Variants in SKA3 observed in about 807,000 individuals in gnomAD.
SKA3 encodes spindle and kinetochore-associated protein 3.
Under a neutral mutation model 44.2 loss-of-function variants are expected in SKA3, and 39 were observed. The observed-to-expected ratio is 0.88, with a 90% CI of 0.68 to 1.15. The LOEUF (loss-of-function observed/expected upper bound fraction) is 1.15, where lower values mean the gene tolerates loss of function less well. Among genes scored for constraint, SKA3 ranks in the 50% most tolerant of loss-of-function variants. The probability of loss-of-function intolerance (pLI) is 0.00; values close to 1 mark genes in which losing one functional copy is unlikely to be tolerated. For synonymous variants in SKA3, 192 were observed against 172.0 expected (o/e 1.12, Z -0.91); for missense variants, 511 against 485.8 (o/e 1.05, Z -0.49).
intron 6 of SKA3, 81 bp downstream of exon 6, chr13:21,159,821 C>A: frequency 1.1e-6 from 1 of 888,090 alleles, no homozygotes; most frequent in Non-Finnish European, 1.6e-6. Flanking sequence ...GTCTTCTAAA[C>A]AGACTCTTTG....
chr13:21,162,966 C>T (rs539554786), intron 4 of SKA3, among the ~76,000 whole-genome samples: 9 of 152,248 alleles, frequency 5.9e-5, no homozygotes, highest in Admixed American at 3.9e-4. Flanking sequence ...AAGAACCACT[C>T]GAACCCAGTT....
chr13:21,165,772 T>C (rs1870678425), intron 4 of SKA3, among the ~76,000 whole-genome samples: 1 of 151,814 alleles, frequency 6.6e-6, no homozygotes. Flanking sequence ...CCATCTCTAC[T>C]AAAAATAGAA....
rs1305511702 is a variant in SKA3 at position 21,156,789 on chromosome 13, G to A, written c.1120-978C>T. On this transcript the variant is annotated intron_variant, in intron 7 of 8. Coordinates refer to ENST00000314759, the MANE Select transcript of SKA3 (RefSeq NM_145061.6). Reference sequence around the variant, plus strand: ...AGAATTCCACACGTGGGCCGGGCGCGGTGGCTCACGCCTGTAATCCCAGCA... The same window carrying A: ...AGAATTCCACACGTGGGCCGGGCGCAGTGGCTCACGCCTGTAATCCCAGCA... 5.8e-4 allele frequency among the ~76,000 whole-genome samples: 2 copies of A among 3,476 alleles called. 1 individual carries two copies. The highest frequency in any genetic ancestry group is 1.0e-3 in the African/African-American group (2 of 1,938). The allele number at this position is 3,476 out of a possible 152,430, so 2.3% of individuals were successfully genotyped here. A position where few individuals can be genotyped will look rare whatever the true frequency, so the allele number is the denominator to read the frequency against.
At chr13:21,162,914 G>A (rs529263961) in intron 4 of SKA3, among the ~76,000 whole-genome samples, 3 of 152,136 alleles carry the variant, frequency 2.0e-5, no homozygotes, top group South Asian at 2.1e-4. Context: ...TGGGAGTTGC[G>A]GCACATACCT....
intron 4 of SKA3, among the ~76,000 whole-genome samples, chr13:21,167,765 T>C (rs1870791956): frequency 7.2e-6 from 1 of 139,500 alleles, no homozygotes; most frequent in Non-Finnish European, 1.5e-5. Flanking sequence ...AGCCTCCGTC[T>C]CGAAAAAAAA....
intron 4 of SKA3, among the ~76,000 whole-genome samples, chr13:21,164,757 T>C (rs1421634037): frequency 6.6e-6 from 1 of 152,034 alleles, no homozygotes; most frequent in Non-Finnish European, 1.5e-5. Context: ...TTATTTTTAT[T>C]TTTTTAGAGG....
At chr13:21,167,762 G>A (rs535330125) in intron 4 of SKA3, among the ~76,000 whole-genome samples, 19 of 138,274 alleles carry the variant, frequency 1.4e-4, no homozygotes, top group African/African-American at 2.1e-4. Context: ...GCAAGCCTCC[G>A]TCTCGAAAAA....
chr13:21,173,656 C>A (rs1397119102), intron 1 of SKA3, among the ~76,000 whole-genome samples: 1 of 152,196 alleles, frequency 6.6e-6, no homozygotes, highest in Non-Finnish European at 1.5e-5. Context: ...TGGCTTCTTT[C>A]ACTCAACTGT....
chr13:21,154,640 C>G lies in SKA3; in HGVS notation c.*510G>C, dbSNP rs1444265954. ...TATAGTTACCCAGGCCTGGAAATCT[C>G]CCTCTTTTCCTAATTAGTTTAACTG... On this transcript the variant is annotated 3_prime_UTR_variant, in exon 9 of 9. Coordinates refer to ENST00000314759, the MANE Select transcript of SKA3 (RefSeq NM_145061.6). 6.0e-6 allele frequency: 1 copy of G among 167,458 alleles called. No individual in the cohort carries two copies. The highest frequency in any genetic ancestry group is 1.3e-5 in the Non-Finnish European group (1 of 76,946). The allele number at this position is 167,458 out of a possible 1,614,324, so 10.4% of individuals were successfully genotyped here. A position where few individuals can be genotyped will look rare whatever the true frequency, so the allele number is the denominator to read the frequency against.
At chr13:21,171,775 C>A (rs1484189218) in intron 3 of SKA3, among the ~76,000 whole-genome samples, 1 of 152,120 alleles carries the variant, frequency 6.6e-6, no homozygotes, top group Non-Finnish European at 1.5e-5. Context: ...GGTTAAGTAA[C>A]TTGACAAAGA....
Position 21,158,108 on chromosome 13 carries a change from T to C in SKA3, c.933A>G (p.Pro311=), listed in dbSNP as rs1489792839. 1.2e-6 allele frequency: 2 copies of C among 1,604,800 alleles called. No homozygotes were observed. Among genetic ancestry groups the C allele is most frequent in the South Asian group, 1.1e-5 (1 of 90,852 alleles). ...TTGATGAACTATTTGTTTTTGATAATGGGTAATTTGTGGATACCTATTGAA... is the reference window on the plus strand; with the variant it reads ...TTGATGAACTATTTGTTTTTGATAACGGGTAATTTGTGGATACCTATTGAA... ...NSIALVSTNY[P]LSKTNSSSND... The change falls in exon 7 of 9, where the codon CCA becomes CCG. Residue 311 remains proline, a synonymous_variant. Transcript: ENST00000314759.
chr13:21,157,373 A>G (rs1453010449), intron 7 of SKA3, among the ~76,000 whole-genome samples: 2 of 152,248 alleles, frequency 1.3e-5, no homozygotes, highest in Non-Finnish European at 2.9e-5. Flanking sequence ...TATATGGTAT[A>G]GACTATTGCT....
At chr13:21,160,756 G>A (rs1870395129) in intron 5 of SKA3, among the ~76,000 whole-genome samples, 1 of 152,140 alleles carries the variant, frequency 6.6e-6, no homozygotes, top group Non-Finnish European at 1.5e-5. Context: ...ATGCACAAGG[G>A]AAAATTTCCT....
chr13:21,162,389 C>G (rs1870489971), intron 4 of SKA3, among the ~76,000 whole-genome samples: 1 of 148,544 alleles, frequency 6.7e-6, no homozygotes, highest in Non-Finnish European at 1.5e-5. Flanking sequence ...TTTTCTGAGA[C>G]ATGGTCTTGC....
chr13:21,157,889 C>CAAAAAAA lies in SKA3; in HGVS notation c.1119+26_1119+32dup, dbSNP rs10700757. 80 of 1,215,328 alleles carry CAAAAAAA rather than the reference C, an allele frequency of 6.6e-5. 2 individuals are homozygous for CAAAAAAA. Among genetic ancestry groups the CAAAAAAA allele is most frequent in the African/African-American group, 2.4e-4 (15 of 61,926 alleles). The allele number at this position is 1,215,328 out of a possible 1,614,324, so 75.3% of individuals were successfully genotyped here. A position where few individuals can be genotyped will look rare whatever the true frequency, so the allele number is the denominator to read the frequency against. On this transcript the variant is annotated intron_variant, in intron 7 of 8. Transcript: ENST00000314759. ...TATTTCATATTGAAAAGAATATCAG[C>CAAAAAAA]AAAAAAAAAAAAAAATAGCCTGGAA...
intron 4 of SKA3, among the ~76,000 whole-genome samples, chr13:21,165,389 T>G (rs1034719714): frequency 6.6e-6 from 1 of 151,952 alleles, no homozygotes; most frequent in African/African-American, 2.4e-5. Context: ...GCCTCTGCAC[T>G]CCAACCTGGG....
At chr13:21,156,231 A>C (rs1870115460) in intron 7 of SKA3, among the ~76,000 whole-genome samples, 1 of 150,800 alleles carries the variant, frequency 6.6e-6, no homozygotes, top group South Asian at 2.1e-4. Context: ...GAAAAGATGG[A>C]GATATTAGAA....
At chr13:21,167,483 T>C (rs576369884) in intron 4 of SKA3, among the ~76,000 whole-genome samples, 2 of 152,204 alleles carry the variant, frequency 1.3e-5, no homozygotes, top group South Asian at 4.1e-4. Flanking sequence ...AAAGAACTTA[T>C]TGGCCGGGCG....
chr13:21,173,134 T>C lies in SKA3; in HGVS notation c.104-453A>G, dbSNP rs558785230. Among the ~76,000 whole-genome samples, 245 of 150,922 alleles carry C rather than the reference T, an allele frequency of 1.6e-3. 2 individuals are homozygous for C. The highest frequency in any genetic ancestry group is 3.4e-3 in the Middle Eastern group (1 of 294). On this transcript the variant is annotated intron_variant, in intron 1 of 8. Transcript: ENST00000314759. ...TAAGTATATAGTTTAATGAACTTTA[T>C]AAAATGAGCATACCTGCACAACTGG...
Sources: allele counts gnomAD v4.1 joint callset (sites outside exome capture counted in the v4.1 genomes callset), GRCh38; gene constraint gnomAD v4.1.1; transcripts MANE v1.5; gene names NCBI Gene and HGNC (gene_info 2026-07-23, HGNC 2026-07-21).